The following SYN3 variants were observed in gnomAD, a reference collection of about 807,000 sequenced individuals.
The protein encoded by SYN3 is synapsin III.
Under a neutral mutation model 65.8 loss-of-function variants are expected in SYN3, and 35 were observed. The ratio of observed to expected loss-of-function variants is 0.53; its 90% CI spans 0.41 to 0.70. SYN3 has a LOEUF of 0.70. Among genes scored for constraint, SYN3 ranks in the 30% least tolerant of loss-of-function variants. SYN3 has a pLI of 0.00. For synonymous variants in SYN3, 270 were observed against 292.9 expected, an observed-to-expected ratio of 0.92 and a Z score of 0.80; for missense variants, 680 against 749.0, an observed-to-expected ratio of 0.91 and a Z score of 1.08.
intron 6 of SYN3, among the ~76,000 whole-genome samples, chr22:32,702,073 G>A (rs1311296688): frequency 6.6e-6 from 1 of 152,180 alleles, no homozygotes; most frequent in Non-Finnish European, 1.5e-5. Flanking sequence ...AATGTAGACA[G>A]TAAACAACAA....
intron 4 of SYN3, among the ~76,000 whole-genome samples, chr22:32,884,349 A>G (rs1280389925): frequency 6.6e-6 from 1 of 152,184 alleles, no homozygotes; most frequent in African/African-American, 2.4e-5. Context: ...TTCTACCACT[A>G]AACAACTGTG....
At chr22:32,559,169 C>G (rs568426471) in intron 7 of SYN3, among the ~76,000 whole-genome samples, 34 of 152,334 alleles carry the variant, frequency 2.2e-4, no homozygotes, top group African/African-American at 7.9e-4. Context: ...GCAGGACTCA[C>G]AGCTGGAACA....
chr22:32,532,627 G>T (rs1369032559), intron 10 of SYN3, among the ~76,000 whole-genome samples: 1 of 88,280 alleles, frequency 1.1e-5, no homozygotes, highest in Non-Finnish European at 2.1e-5. Flanking sequence ...TACCTCCAAG[G>T]CCTGGGTGTG....
intron 7 of SYN3, among the ~76,000 whole-genome samples, chr22:32,560,173 G>A (rs2058567009): frequency 6.6e-6 from 1 of 152,230 alleles, no homozygotes; most frequent in African/African-American, 2.4e-5. Context: ...AGGTCAAACT[G>A]TGCACTTGAT....
intron 6 of SYN3, among the ~76,000 whole-genome samples, chr22:32,758,342 G>A (rs531283509): frequency 6.6e-6 from 1 of 152,080 alleles, no homozygotes; most frequent in South Asian, 2.1e-4. Flanking sequence ...TTGATTGAAG[G>A]ATGCAAAATA....
At chr22:32,706,252 G>A (rs1380606785) in intron 6 of SYN3, among the ~76,000 whole-genome samples, 6 of 152,054 alleles carry the variant, frequency 3.9e-5, no homozygotes, top group Non-Finnish European at 8.8e-5. Context: ...CCTACATACT[G>A]AGGAACTTTT....
At chr22:32,781,686 T>C (rs2046069624) in intron 6 of SYN3, among the ~76,000 whole-genome samples, 1 of 147,668 alleles carries the variant, frequency 6.8e-6, no homozygotes, top group South Asian at 2.1e-4. Flanking sequence ...TTATTATTAA[T>C]ATTATTATTA....
rs1015497162 is a variant in SYN3 at position 32,726,061 on chromosome 22, G to A, written c.712-129325C>T. On this transcript the variant is annotated intron_variant, in intron 6 of 13. Transcript: ENST00000358763. Reference sequence around the variant, plus strand: ...CTTGGAGAAAACAGGAATATGTAAGGTGTGCCATGTGAGGTCTAGTCTTCA... The same window carrying A: ...CTTGGAGAAAACAGGAATATGTAAGATGTGCCATGTGAGGTCTAGTCTTCA... Among the ~76,000 whole-genome samples the A allele has an allele frequency of 8.8e-4, 134 of 152,260 alleles. 1 individual carries two copies. Among genetic ancestry groups the A allele is most frequent in the African/African-American group, 3.1e-3 (130 of 41,552 alleles).
chr22:32,989,870 C>T (rs1444247512), intron 2 of SYN3, among the ~76,000 whole-genome samples: 1 of 149,774 alleles, frequency 6.7e-6, no homozygotes, highest in Non-Finnish European at 1.5e-5. Flanking sequence ...CAAACACCCA[C>T]TCCCTCTACC....
At chr22:32,859,493 C>A in intron 6 of SYN3, 2 of 1,305,182 alleles carry the variant, frequency 1.5e-6, no homozygotes, top group Non-Finnish European at 2.1e-6. Flanking sequence ...AAATTTAGCA[C>A]TTGGAACATT....
At chr22:32,514,916 T>C (rs1165065841) in intron 13 of SYN3, among the ~76,000 whole-genome samples, 1 of 151,848 alleles carries the variant, frequency 6.6e-6, no homozygotes, top group Non-Finnish European at 1.5e-5. Context: ...CGCGGGAGGC[T>C]GAGGCAGGAG....
At position 32,511,569 on chromosome 22, in the gene SYN3, C is replaced by G. The variant is rs115104763; in HGVS notation, c.*2123G>C. On this transcript the variant is annotated 3_prime_UTR_variant, in exon 14 of 14. Coordinates refer to ENST00000358763, the MANE Select transcript of SYN3 (RefSeq NM_003490.4). Reference sequence around the variant, plus strand: ...CAGACATGCAGGGACTGTCCTATAACATGGAACTCAGCCGAGCATGGAGAC... The same window carrying G: ...CAGACATGCAGGGACTGTCCTATAAGATGGAACTCAGCCGAGCATGGAGAC... Among the ~76,000 whole-genome samples, 1,156 of 152,298 alleles carry G rather than the reference C, an allele frequency of 7.6e-3. 20 individuals are homozygous for G. Among genetic ancestry groups the G allele is most frequent in the African/African-American group, 0.027 (1,104 of 41,564 alleles).
chr22:32,576,559 C>T (rs1421768230), intron 7 of SYN3, among the ~76,000 whole-genome samples: 1 of 152,136 alleles, frequency 6.6e-6, no homozygotes, highest in East Asian at 1.9e-4. Flanking sequence ...TGAACCCATT[C>T]TCTTTCCCCT....
intron 6 of SYN3, among the ~76,000 whole-genome samples, chr22:32,810,397 G>C (rs1252883081): frequency 2.6e-5 from 4 of 152,124 alleles, no homozygotes; most frequent in South Asian, 4.1e-4. Flanking sequence ...AACTATAAGT[G>C]TTTCCAAGCC....
At chr22:32,868,493 T>G (rs2048750300) in intron 5 of SYN3, among the ~76,000 whole-genome samples, 1 of 151,858 alleles carries the variant, frequency 6.6e-6, no homozygotes, top group African/African-American at 2.4e-5. Context: ...CAGGCTGGAG[T>G]GCAACGGCAC....
rs548591646 is a variant in SYN3 at position 32,761,202 on chromosome 22, A to G, written c.711+103713T>C. Among the ~76,000 whole-genome samples the G allele has an allele frequency of 7.9e-5, 12 of 152,312 alleles. No homozygotes were observed. The East Asian group carries it at 2.1e-3, about 27-fold the overall frequency. On this transcript the variant is annotated intron_variant, in intron 6 of 13. Transcript: ENST00000358763. Reference sequence around the variant, plus strand: ...TTGCTGCAAAGGTGCTGTGTGACCCAGTGCCGGTTACTGTTGCTTTCCTGG... The same window carrying G: ...TTGCTGCAAAGGTGCTGTGTGACCCGGTGCCGGTTACTGTTGCTTTCCTGG...
At chr22:32,880,209 T>C (rs2049091649) in intron 4 of SYN3, among the ~76,000 whole-genome samples, 1 of 152,206 alleles carries the variant, frequency 6.6e-6, no homozygotes, top group African/African-American at 2.4e-5. Flanking sequence ...CATTTCAACA[T>C]GATCTCATAG....
At chr22:32,810,238 C>A (rs117533839) in intron 6 of SYN3, among the ~76,000 whole-genome samples, 234 of 152,286 alleles carry the variant, frequency 1.5e-3, no homozygotes, top group Admixed American at 3.5e-3. Context: ...CCCAGAGAAC[C>A]TTTCCTGACC....
At chr22:32,826,087 C>A (rs970037920) in intron 6 of SYN3, among the ~76,000 whole-genome samples, 2 of 152,124 alleles carry the variant, frequency 1.3e-5, no homozygotes, top group Non-Finnish European at 2.9e-5. Flanking sequence ...TTGTTGACTT[C>A]TTTTTTTCCC....
Sources: allele counts gnomAD v4.1 joint callset (sites outside exome capture counted in the v4.1 genomes callset), GRCh38; gene constraint gnomAD v4.1.1; transcripts MANE v1.5; gene names NCBI Gene and HGNC (gene_info 2026-07-23, HGNC 2026-07-21).